JAZF1: variants seen among roughly 807,000 people sequenced by gnomAD.
The protein encoded by JAZF1 is juxtaposed with another zinc finger protein 1.
Under a neutral mutation model 26.4 loss-of-function variants are expected in JAZF1, and 8 were observed. The ratio of observed to expected loss-of-function variants is 0.30; its 90% confidence interval spans 0.18 to 0.55. The LOEUF (loss-of-function observed/expected upper bound fraction) is 0.55. JAZF1 is among the 20% of genes least tolerant of loss of function. The pLI is 0.94. For synonymous variants in JAZF1, 126 were observed against 122.3 expected (o/e 1.03, Z -0.20); for missense variants, 199 against 322.0 (o/e 0.62, Z 2.92).
intron 3 of JAZF1, among the ~76,000 whole-genome samples, chr7:27,866,394 G>C (rs942160881): frequency 3.3e-5 from 5 of 152,256 alleles, no homozygotes; most frequent in African/African-American, 1.2e-4. Flanking sequence ...AGAGGCACTT[G>C]GGAGCAGGCA....
At chr7:27,909,008 T>TTCAA (rs1330180214) in intron 2 of JAZF1, among the ~76,000 whole-genome samples, 1 of 151,982 alleles carries the variant, frequency 6.6e-6, no homozygotes, top group Non-Finnish European at 1.5e-5. Context: ...ATAATATTCA[T>TTCAA]TCATTCATTC....
At chr7:27,881,295 T>G (rs1783766056) in intron 3 of JAZF1, among the ~76,000 whole-genome samples, 1 of 152,164 alleles carries the variant, frequency 6.6e-6, no homozygotes, top group African/African-American at 2.4e-5. Flanking sequence ...GGTAGCTCAC[T>G]CACAACTAAG....
chr7:27,833,522 G>C (rs1295579772), intron 4 of JAZF1, among the ~76,000 whole-genome samples: 3 of 152,144 alleles, frequency 2.0e-5, no homozygotes, highest in Non-Finnish European at 4.4e-5. Flanking sequence ...TCTGCACTAA[G>C]CCAGTATCTC....
chr7:27,986,716 G>A (rs1181587444), intron 2 of JAZF1, among the ~76,000 whole-genome samples: 1 of 148,620 alleles, frequency 6.7e-6, no homozygotes, highest in Non-Finnish European at 1.5e-5. Context: ...GCTGAGGCTG[G>A]ACTGTACTGC....
intron 1 of JAZF1, among the ~76,000 whole-genome samples, chr7:28,001,922 A>G (rs1382016925): frequency 6.6e-6 from 1 of 152,198 alleles, no homozygotes; most frequent in Non-Finnish European, 1.5e-5. Context: ...ACAAAAACAA[A>G]GAAGTAACTA....
At chr7:28,066,866 A>C (rs1783891942) in intron 1 of JAZF1, among the ~76,000 whole-genome samples, 1 of 152,128 alleles carries the variant, frequency 6.6e-6, no homozygotes, top group Non-Finnish European at 1.5e-5. Context: ...GAAAAGATGA[A>C]TGGTCTTTTT....
intron 1 of JAZF1, among the ~76,000 whole-genome samples, chr7:28,120,594 G>A (rs1196012306): frequency 2.3e-5 from 3 of 129,166 alleles, no homozygotes; most frequent in Admixed American, 9.8e-5. Context: ...CACAACCTCC[G>A]CCTCCCGGGT....
intron 2 of JAZF1, among the ~76,000 whole-genome samples, chr7:27,907,682 C>A (rs1306444134): frequency 6.6e-6 from 1 of 152,166 alleles, no homozygotes; most frequent in African/African-American, 2.4e-5. Flanking sequence ...TAATTAAACA[C>A]TGGGTTGAGA....
chr7:27,962,482 T>TA (rs983506300), intron 2 of JAZF1, among the ~76,000 whole-genome samples: 1 of 152,210 alleles, frequency 6.6e-6, no homozygotes, highest in Non-Finnish European at 1.5e-5. Context: ...CTTGCTTTTC[T>TA]AAAAACAGAA....
chr7:28,139,192 A>G (rs1014759775), intron 1 of JAZF1, among the ~76,000 whole-genome samples: 1 of 151,998 alleles, frequency 6.6e-6, no homozygotes, highest in Non-Finnish European at 1.5e-5. Context: ...CCATCAACCC[A>G]CTCCATCTAT....
At chr7:28,170,202 C>A (rs548875030) in intron 1 of JAZF1, among the ~76,000 whole-genome samples, 4 of 152,000 alleles carry the variant, frequency 2.6e-5, no homozygotes, top group African/African-American at 4.8e-5. Flanking sequence ...GCAGGAGGAT[C>A]GCTGGAGCCC....
chr7:28,138,152 C>T (rs1782912589), intron 1 of JAZF1, among the ~76,000 whole-genome samples: 2 of 152,184 alleles, frequency 1.3e-5, no homozygotes, highest in African/African-American at 2.4e-5. Flanking sequence ...AAACTCTCTG[C>T]AGGGCTTATG....
At position 28,101,632 on chromosome 7, in the gene JAZF1, T is replaced by C. The variant is rs561720170; in HGVS notation, c.115+78831A>G. ...GGTAATGCACACCTGTAGTCCCAGC[T>C]ACTTGGGAGGCTGTGGAGGGAGGAT... is the stretch of plus-strand genomic sequence containing the variant. On this transcript the variant is annotated intron_variant, in intron 1 of 4. Transcript: ENST00000283928. Among the ~76,000 whole-genome samples the C allele has an allele frequency of 1.5e-4, 22 of 145,570 alleles. No homozygotes were observed. The South Asian group carries it at 4.6e-3, about 31-fold the overall frequency.
chr7:27,891,403 G>A (rs1297525077), intron 3 of JAZF1, among the ~76,000 whole-genome samples: 1 of 152,084 alleles, frequency 6.6e-6, no homozygotes, highest in African/African-American at 2.4e-5. Flanking sequence ...TATAGAAAAA[G>A]TTTGCTGATC....
intron 2 of JAZF1, among the ~76,000 whole-genome samples, chr7:27,974,632 A>G (rs1785436096): frequency 6.6e-6 from 1 of 152,142 alleles, no homozygotes; most frequent in African/African-American, 2.4e-5. Flanking sequence ...CACTAAGTAG[A>G]GAGGCACATA....
intron 1 of JAZF1, among the ~76,000 whole-genome samples, chr7:28,158,154 CACACACACACACAA>C (rs1248316455): frequency 9.2e-6 from 1 of 108,170 alleles, no homozygotes; most frequent in African/African-American, 3.6e-5. Context: ...CGCGCGCACA[CACACACACACACAA>C]ACACACACAC....
At chr7:28,090,884 T>C (rs1330714940) in intron 1 of JAZF1, among the ~76,000 whole-genome samples, 1 of 146,694 alleles carries the variant, frequency 6.8e-6, no homozygotes, top group African/African-American at 2.5e-5. Context: ...CGGACTGCAG[T>C]GGCGCGATCT....
chr7:28,021,640 C>T (rs1221639531), intron 1 of JAZF1, among the ~76,000 whole-genome samples: 4 of 152,140 alleles, frequency 2.6e-5, no homozygotes, highest in South Asian at 4.1e-4. Context: ...GGGGCAGGGT[C>T]GGAGGACAGA....
chr7:27,843,399 A>G (rs17155928), intron 3 of JAZF1: 75,012 of 152,134 alleles, frequency 0.49, 18,851 homozygotes, highest in East Asian at 0.65. Context: ...TTGAATTTAA[A>G]GATCAGAATG....
Sources: gnomAD v4.1 joint callset for allele counts (sites outside exome capture counted in the v4.1 genomes callset) on GRCh38, gnomAD v4.1.1 for gene constraint, MANE v1.5 for transcripts, NCBI Gene and HGNC (gene_info 2026-07-23, HGNC 2026-07-21) for gene names.